Variants in GRIK2 observed in about 807,000 individuals in gnomAD.
GRIK2 encodes glutamate receptor ionotropic, kainate 2.
A neutral mutation model predicts 100.3 loss-of-function variants in GRIK2; 32 were observed. The ratio of observed to expected loss-of-function variants is 0.32; its 90% CI spans 0.24 to 0.43. The LOEUF is 0.43. Ranked by LOEUF, GRIK2 falls within the 20% of genes least tolerant of loss-of-function variation. The probability of loss-of-function intolerance (pLI) is 1.00; values close to 1 mark genes in which losing one functional copy is unlikely to be tolerated. For synonymous variants in GRIK2, 417 were observed against 389.4 expected (o/e 1.07, Z -0.83); for missense variants, 843 against 1,114.9 (o/e 0.76, Z 3.47).
chr6:101,742,863 T>C (rs962981795), intron 7 of GRIK2, among the ~76,000 whole-genome samples: 1 of 152,146 alleles, frequency 6.6e-6, no homozygotes, highest in Admixed American at 6.5e-5. Flanking sequence ...TGAGGCATGC[T>C]AGACCCCCCA....
At chr6:101,887,994 C>T (rs1786774081) in intron 11 of GRIK2, among the ~76,000 whole-genome samples, 1 of 152,118 alleles carries the variant, frequency 6.6e-6, no homozygotes, top group African/African-American at 2.4e-5. Context: ...TTAGTTTCTC[C>T]CTTACGTCTT....
At chr6:101,545,560 G>A (rs2749077) in intron 2 of GRIK2, among the ~76,000 whole-genome samples, 72,228 of 151,904 alleles carry the variant, frequency 0.48, 17,497 homozygotes, top group African/African-American at 0.54. Context: ...AGCTAGATTT[G>A]TGTAAATCTT....
chr6:101,537,502 G>T lies in GRIK2; in HGVS notation c.116-84447G>T, dbSNP rs534778411. Among the ~76,000 whole-genome samples, 25 of 150,958 alleles carry T rather than the reference G, an allele frequency of 1.7e-4. 1 individual carries two copies. In the South Asian group the frequency reaches 2.9e-3, roughly 18 times the overall value. On this transcript the variant is annotated intron_variant, in intron 2 of 16. Coordinates refer to ENST00000369134, the MANE Select transcript of GRIK2 (RefSeq NM_021956.5). ...TTTAAGCAAATCAGGGAGATTATAT[G>T]TTGGGGGGAGACAGAGGCTAAAGCA...
intron 2 of GRIK2, among the ~76,000 whole-genome samples, chr6:101,578,586 G>A: frequency 6.6e-6 from 1 of 152,036 alleles, no homozygotes; most frequent in East Asian, 1.9e-4. Context: ...AATCATTTGG[G>A]TTTTGCTTGG....
At chr6:101,534,168 G>C (rs1775578366) in intron 2 of GRIK2, among the ~76,000 whole-genome samples, 1 of 151,540 alleles carries the variant, frequency 6.6e-6, no homozygotes, top group Non-Finnish European at 1.5e-5. Context: ...CATTTTAGTG[G>C]TATTTCTAGC....
chr6:101,891,446 G>A (rs1787082094), intron 12 of GRIK2: 2 of 331,042 alleles, frequency 6.0e-6, no homozygotes, highest in South Asian at 4.8e-5. Context: ...GAACCTGGGA[G>A]GTGGAGGTTG....
intron 4 of GRIK2, among the ~76,000 whole-genome samples, chr6:101,654,907 G>A (rs1324679495): frequency 6.6e-6 from 1 of 152,086 alleles, no homozygotes; most frequent in African/African-American, 2.4e-5. Context: ...TAACAACTTA[G>A]TGTCTTTTAC....
At chr6:101,810,929 T>C (rs1420747209) in intron 9 of GRIK2, among the ~76,000 whole-genome samples, 3 of 152,078 alleles carry the variant, frequency 2.0e-5, no homozygotes, top group Non-Finnish European at 4.4e-5. Flanking sequence ...TATGAGTTAA[T>C]AGAGAAATAA....
chr6:101,652,875 G>C (rs1781865589), intron 4 of GRIK2, among the ~76,000 whole-genome samples: 1 of 152,088 alleles, frequency 6.6e-6, no homozygotes. Context: ...TAAGCTTGAG[G>C]AGTTGAAATG....
intron 2 of GRIK2, among the ~76,000 whole-genome samples, chr6:101,468,261 C>G (rs1447254040): frequency 6.6e-6 from 1 of 152,168 alleles, no homozygotes; most frequent in Admixed American, 6.5e-5. Flanking sequence ...ACAGAAAGAA[C>G]TATAACAGCA....
chr6:101,622,004 C>T lies in GRIK2; in HGVS notation c.171C>T (p.Phe57=), dbSNP rs1279323089. 1 of 1,608,286 alleles carries T rather than the reference C, an allele frequency of 6.2e-7. No homozygotes were observed. The highest frequency in any genetic ancestry group is 1.1e-5 in the South Asian group (1 of 90,964). ...CAATGGGAGCTGAGGAACTTGCATT[C>T]AGATTTGCTGTGAACACAATTAACA... ...SGPMGAEELA[F]RFAVNTINRN... Residue 57 remains phenylalanine, a synonymous_variant, in exon 3 of 17, where the codon TTC becomes TTT. Coordinates refer to ENST00000369134, the MANE Select transcript of GRIK2 (RefSeq NM_021956.5).
intron 4 of GRIK2, among the ~76,000 whole-genome samples, chr6:101,649,514 G>A (rs1027119493): frequency 5.3e-5 from 8 of 152,162 alleles, no homozygotes; most frequent in African/African-American, 1.9e-4. Flanking sequence ...GTACATCATA[G>A]AGATGTTTAC....
intron 14 of GRIK2, among the ~76,000 whole-genome samples, chr6:102,017,323 AACTC>A (rs1318170774): frequency 6.6e-6 from 1 of 152,116 alleles, no homozygotes; most frequent in Non-Finnish European, 1.5e-5. Flanking sequence ...GTTTTGTGAG[AACTC>A]ACTCACTGTC....
At chr6:101,432,277 A>G (rs1166025383) in intron 2 of GRIK2, among the ~76,000 whole-genome samples, 2 of 152,120 alleles carry the variant, frequency 1.3e-5, no homozygotes, top group African/African-American at 4.8e-5. Context: ...CATTGAACTA[A>G]TATTTACTGT....
chr6:101,621,800 CTCTCTCTCTCTT>C (rs1324583556), intron 2 of GRIK2, 137 bp from the exon 3 acceptor site: 4 of 628,298 alleles, frequency 6.4e-6, no homozygotes, highest in East Asian at 5.5e-5. Context: ...ATCTCTCCCT[CTCTCTCTCTCTT>C]TCTCTCTCTC....
intron 9 of GRIK2, among the ~76,000 whole-genome samples, chr6:101,817,169 T>TA (rs1781686256): frequency 6.6e-6 from 1 of 152,136 alleles, no homozygotes; most frequent in Non-Finnish European, 1.5e-5. Context: ...AATACTGAAT[T>TA]ACTTGACTTT....
chr6:101,820,430 C>T (rs528676600), intron 10 of GRIK2, among the ~76,000 whole-genome samples: 7 of 151,782 alleles, frequency 4.6e-5, no homozygotes, highest in South Asian at 4.2e-4. Context: ...TCCAAATCTT[C>T]GCTCAATTCT....
rs2852582 is a variant in GRIK2, at chr6:101,625,806, C to T, written c.284-574C>T. Among the ~76,000 whole-genome samples the T allele has an allele frequency of 5.9e-3, 904 of 152,182 alleles. 11 individuals carry two copies. The highest frequency in any genetic ancestry group is 0.021 in the African/African-American group (862 of 41,512). On this transcript the variant is annotated intron_variant, in intron 3 of 16. Coordinates refer to ENST00000369134, the MANE Select transcript of GRIK2 (RefSeq NM_021956.5). Reference sequence around the variant, plus strand: ...AGATGACTGAGTACTTGTCTAATGACTTTTCTGTTTTTCTACTCAGTGTGA... The same window carrying T: ...AGATGACTGAGTACTTGTCTAATGATTTTTCTGTTTTTCTACTCAGTGTGA...
chr6:101,841,186 T>A (rs1328906945), intron 10 of GRIK2, among the ~76,000 whole-genome samples: 4 of 152,176 alleles, frequency 2.6e-5, no homozygotes, highest in African/African-American at 9.7e-5. Flanking sequence ...GTTTACTATT[T>A]GTTTACATCA....
Sources: gnomAD v4.1 joint callset for allele counts (sites outside exome capture counted in the v4.1 genomes callset) on GRCh38, gnomAD v4.1.1 for gene constraint, MANE v1.5 for transcripts, NCBI Gene and HGNC (gene_info 2026-07-23, HGNC 2026-07-21) for gene names.